CIRSR: variants seen among roughly 807,000 people sequenced by gnomAD.
CIRSR encodes CBF1 (RBPJ) interacting corepressor 1.
At chr2:174,365,039 T>C in the CIRSR span, among the ~76,000 whole-genome samples, 5 of 152,196 alleles carry the variant, frequency 3.3e-5, no homozygotes, top group Non-Finnish European at 7.4e-5. Flanking sequence ...TTCCAAACTT[T>C]CATGCTCTGC....
At chr2:174,360,505 T>C in the CIRSR span, among the ~76,000 whole-genome samples, 8 of 152,200 alleles carry the variant, frequency 5.3e-5, no homozygotes, top group African/African-American at 1.9e-4. Flanking sequence ...ATTTACTGAG[T>C]GAACTAAATT....
At chr2:174,380,295 TA>T in the CIRSR span, 1 of 1,408,412 alleles carries the variant, frequency 7.1e-7, no homozygotes, top group Non-Finnish European at 9.7e-7. Context: ...AAGAATAATT[TA>T]AAAAATTAAA....
the CIRSR span, among the ~76,000 whole-genome samples, chr2:174,379,669 AG>A: frequency 2.6e-5 from 4 of 151,598 alleles, no homozygotes; most frequent in African/African-American, 9.7e-5. Flanking sequence ...TGAAAACTGC[AG>A]AGACCAATAT....
chr2:174,387,835 T>C, the CIRSR span: 3 of 1,447,114 alleles, frequency 2.1e-6, no homozygotes, highest in South Asian at 2.5e-5. Context: ...TTAAACAAAC[T>C]TTGCTTTTCT....
chr2:174,358,982 CT>C, the CIRSR span, among the ~76,000 whole-genome samples: 1 of 152,234 alleles, frequency 6.6e-6, no homozygotes, highest in Non-Finnish European at 1.5e-5. Flanking sequence ...GCGTGGGCCA[CT>C]GTGCCCAGCC....
the CIRSR span, among the ~76,000 whole-genome samples, chr2:174,388,623 AAT>A: frequency 1.1e-4 from 16 of 151,154 alleles, no homozygotes; most frequent in East Asian, 1.9e-4. Context: ...AAGATGTTCT[AAT>A]ATATATATAT....
chr2:174,391,882 T>G, the CIRSR span, among the ~76,000 whole-genome samples: 1 of 152,204 alleles, frequency 6.6e-6, no homozygotes, highest in African/African-American at 2.4e-5. Context: ...GATTGCATGA[T>G]TCCATTTAAA....
At chr2:174,349,142 CTTTT>C in the CIRSR span, 1 of 1,480,670 alleles carries the variant, frequency 6.8e-7, no homozygotes, top group Non-Finnish European at 8.9e-7. Flanking sequence ...TATCTTTTTT[CTTTT>C]TTTTCTTCTC....
chr2:174,363,204 A>G, the CIRSR span, among the ~76,000 whole-genome samples: 2 of 152,200 alleles, frequency 1.3e-5, no homozygotes, highest in Middle Eastern at 3.2e-3. Flanking sequence ...AGACCTAATC[A>G]CAGAATAAGA....
At chr2:174,389,219 G>T in the CIRSR span, among the ~76,000 whole-genome samples, 6 of 152,340 alleles carry the variant, frequency 3.9e-5, no homozygotes, top group African/African-American at 1.2e-4. Context: ...ACTTCCTAGA[G>T]AATTGGAGTG....
chr2:174,356,400 T>G, the CIRSR span, among the ~76,000 whole-genome samples: 1 of 151,694 alleles, frequency 6.6e-6, no homozygotes, highest in African/African-American at 2.4e-5. Context: ...CACAGGAGGT[T>G]GAGGGTGCAG....
At chr2:174,380,283 TTAAGAA>T in the CIRSR span, 2 of 1,472,632 alleles carry the variant, frequency 1.4e-6, no homozygotes, top group African/African-American at 2.8e-5. Context: ...AAACACAATA[TTAAGAA>T]TAATTTAAAA....
At chr2:174,383,889 G>A in the CIRSR span, among the ~76,000 whole-genome samples, 13 of 150,554 alleles carry the variant, frequency 8.6e-5, no homozygotes, top group Admixed American at 2.6e-4. Flanking sequence ...ATGTTAGAGA[G>A]GATATGGAGA....
At chr2:174,361,097 CTATA>C in the CIRSR span, among the ~76,000 whole-genome samples, 1 of 151,968 alleles carries the variant, frequency 6.6e-6, no homozygotes, top group East Asian at 1.9e-4. Context: ...CTACGATCAA[CTATA>C]TATTATAAAA....
the CIRSR span, among the ~76,000 whole-genome samples, chr2:174,389,777 C>T: frequency 3.3e-5 from 5 of 152,180 alleles, no homozygotes; most frequent in African/African-American, 1.2e-4. Flanking sequence ...CTGCTGGGTA[C>T]AACCTTTGGT....
At chr2:174,354,768 ATATT>A in the CIRSR span, among the ~76,000 whole-genome samples, 1 of 67,290 alleles carries the variant, frequency 1.5e-5, no homozygotes, top group African/African-American at 4.0e-5. Flanking sequence ...ATATATATAT[ATATT>A]TTTTTTTTTG....
chr2:174,375,165 G>A, the CIRSR span, among the ~76,000 whole-genome samples: 2 of 152,148 alleles, frequency 1.3e-5, no homozygotes, highest in South Asian at 4.1e-4. Flanking sequence ...ATAAATCTTT[G>A]AAAATCTGCC....
chr2:174,369,331 G>C, the CIRSR span, among the ~76,000 whole-genome samples: 1 of 152,224 alleles, frequency 6.6e-6, no homozygotes. Flanking sequence ...GAGTTGAAGA[G>C]AGTCTGGGGC....
chr2:174,356,531 A>AAAGGAAGGAAGGAAGGAAGG, the CIRSR span, among the ~76,000 whole-genome samples: 3 of 133,548 alleles, frequency 2.2e-5, no homozygotes, highest in Admixed American at 7.8e-5. Context: ...AAGAAAGAAG[A>AAAGGAAGGAAGGAAGGAAGG]AAGGAAGGAA....
Sources: allele counts gnomAD v4.1 joint callset (sites outside exome capture counted in the v4.1 genomes callset), GRCh38; gene constraint gnomAD v4.1.1; transcripts MANE v1.5; gene names NCBI Gene and HGNC (gene_info 2026-07-23, HGNC 2026-07-21).